UBE2E2: variants seen among roughly 807,000 people sequenced by gnomAD.
UBE2E2 encodes the protein ubiquitin-conjugating enzyme E2 E2.
A neutral mutation model predicts 24.7 loss-of-function variants in UBE2E2; 6 were observed. The ratio of observed to expected loss-of-function variants is 0.24; its 90% confidence interval spans 0.13 to 0.48. UBE2E2 has a LOEUF of 0.48. UBE2E2 is among the 20% of genes least tolerant of loss of function. UBE2E2 has a pLI of 0.99. For synonymous variants in UBE2E2, 104 were observed against 83.6 expected (o/e 1.24, Z -1.33); for missense variants, 169 against 245.0 (o/e 0.69, Z 2.07).
rs546822372 is a variant in UBE2E2 at position 23,584,638 on chromosome 3, C to T, written c.509-5096C>T. ...GCGCAATCATGGCTCACTGTAATCA[C>T]GACCCCCTGGGCTCCAGTGAACCTC... On this transcript the variant is annotated intron_variant, in intron 5 of 5. Transcript: ENST00000396703. Among the ~76,000 whole-genome samples, 7 of 151,534 alleles carry T rather than the reference C, an allele frequency of 4.6e-5. No individual in the cohort carries two copies. The South Asian group carries it at 1.0e-3, about 23-fold the overall frequency.
chr3:23,213,937 C>G (rs991183297), intron 2 of UBE2E2, among the ~76,000 whole-genome samples: 1 of 152,140 alleles, frequency 6.6e-6, no homozygotes, highest in Non-Finnish European at 1.5e-5. Context: ...AGGTACCTTT[C>G]TTATCCCACT....
intron 3 of UBE2E2, among the ~76,000 whole-genome samples, chr3:23,413,421 A>G (rs1697543664): frequency 6.6e-6 from 1 of 152,110 alleles, no homozygotes; most frequent in Non-Finnish European, 1.5e-5. Context: ...TTCAAGTTAC[A>G]ACCATCATCA....
intron 1 of UBE2E2, among the ~76,000 whole-genome samples, chr3:23,203,740 C>T (rs1380875761): frequency 6.9e-6 from 1 of 145,702 alleles, no homozygotes; most frequent in Non-Finnish European, 1.5e-5. Context: ...CCCTTCCGTT[C>T]TCAGTTCCCC....
At position 23,254,400 on chromosome 3, in the gene UBE2E2, A is replaced by C. The variant is rs796455105; in HGVS notation, c.227+37088A>C. The stretch of plus-strand genomic sequence containing the variant: ...TTGCCCAGTTTCTGGAAGTGTGCGT[A>C]GGTATTTGTGGGGCAGTAATAGGAG... On this transcript the variant is annotated intron_variant, in intron 3 of 5. Coordinates refer to ENST00000396703, the MANE Select transcript of UBE2E2 (RefSeq NM_152653.4). Among the ~76,000 whole-genome samples, 15 of 152,324 alleles carry C rather than the reference A, an allele frequency of 9.8e-5. 1 individual carries two copies. Among genetic ancestry groups the C allele is most frequent in the African/African-American group, 3.4e-4 (14 of 41,576 alleles).
intron 3 of UBE2E2, among the ~76,000 whole-genome samples, chr3:23,347,195 A>G (rs564029795): frequency 2.0e-5 from 3 of 152,350 alleles, no homozygotes; most frequent in East Asian, 1.9e-4. Flanking sequence ...CAGCCATCCC[A>G]TTACTGGGTG....
At chr3:23,366,797 G>A (rs1313805756) in intron 3 of UBE2E2, among the ~76,000 whole-genome samples, 1 of 152,006 alleles carries the variant, frequency 6.6e-6, no homozygotes, top group African/African-American at 2.4e-5. Context: ...AATACCCTGG[G>A]ATCAGACATT....
At chr3:23,449,032 T>C (rs1021341329) in intron 3 of UBE2E2, among the ~76,000 whole-genome samples, 9 of 152,200 alleles carry the variant, frequency 5.9e-5, no homozygotes, top group Non-Finnish European at 1.3e-4. Flanking sequence ...ATTGCCCTCT[T>C]ACCTAACAGC....
At chr3:23,404,504 A>G (rs1170071193) in intron 3 of UBE2E2, among the ~76,000 whole-genome samples, 1 of 152,140 alleles carries the variant, frequency 6.6e-6, no homozygotes, top group Admixed American at 6.6e-5. Context: ...GAGAGCTCTG[A>G]GTTCATTTTT....
chr3:23,454,205 T>C (rs1458277409), intron 3 of UBE2E2, among the ~76,000 whole-genome samples: 1 of 152,238 alleles, frequency 6.6e-6, no homozygotes, highest in Non-Finnish European at 1.5e-5. Flanking sequence ...TTTAATACTT[T>C]ATAAACTGAT....
chr3:23,309,037 T>A (rs1559342717), intron 3 of UBE2E2, among the ~76,000 whole-genome samples: 1 of 152,224 alleles, frequency 6.6e-6, no homozygotes. Flanking sequence ...ATATCCCCCT[T>A]CTGTCTGCTT....
chr3:23,560,653 C>T (rs1445798177), intron 5 of UBE2E2, among the ~76,000 whole-genome samples: 1 of 152,092 alleles, frequency 6.6e-6, no homozygotes, highest in Non-Finnish European at 1.5e-5. Context: ...CTGACTTCCA[C>T]AATGGTTGAA....
chr3:23,581,002 T>G (rs1406174515), intron 5 of UBE2E2, among the ~76,000 whole-genome samples: 2 of 152,250 alleles, frequency 1.3e-5, no homozygotes. Context: ...AAACACGTTT[T>G]GCATATGGCA....
chr3:23,383,334 C>T (rs922619784), intron 3 of UBE2E2, among the ~76,000 whole-genome samples: 2 of 151,996 alleles, frequency 1.3e-5, no homozygotes, highest in African/African-American at 4.8e-5. Flanking sequence ...ATTAGCAAAC[C>T]TTGAGGAAAA....
chr3:23,494,989 G>C (rs533007325), intron 3 of UBE2E2, among the ~76,000 whole-genome samples: 1 of 152,178 alleles, frequency 6.6e-6, no homozygotes, highest in South Asian at 2.1e-4. Flanking sequence ...TGGCCAGGCT[G>C]GTCTCAAACT....
At chr3:23,290,783 T>A (rs1321354656) in intron 3 of UBE2E2, among the ~76,000 whole-genome samples, 1 of 150,522 alleles carries the variant, frequency 6.6e-6, no homozygotes, top group Non-Finnish European at 1.5e-5. Context: ...CCAGGCGTGG[T>A]GGCTCTCACC....
At chr3:23,414,166 C>T (rs1697565569) in intron 3 of UBE2E2, among the ~76,000 whole-genome samples, 1 of 152,128 alleles carries the variant, frequency 6.6e-6, no homozygotes, top group Non-Finnish European at 1.5e-5. Flanking sequence ...TATAAAAGAA[C>T]CTTTTAAATC....
rs75794536 is a variant in UBE2E2, at chr3:23,506,911, G to A, written c.360+7171G>A. Among the ~76,000 whole-genome samples, 772 of 152,320 alleles carry A rather than the reference G, an allele frequency of 5.1e-3. 8 individuals carry two copies. The highest frequency in any genetic ancestry group is 0.017 in the African/African-American group (719 of 41,566). ...GCGTTTCAGAAGTGCTGGGATTACA[G>A]GCATGAGCCACCACACCCAGCCTAA... is the stretch of plus-strand genomic sequence containing the variant. On this transcript the variant is annotated intron_variant, in intron 4 of 5. Transcript: ENST00000396703.
At chr3:23,388,048 A>G (rs544858744) in intron 3 of UBE2E2, among the ~76,000 whole-genome samples, 2 of 152,294 alleles carry the variant, frequency 1.3e-5, no homozygotes, top group Admixed American at 6.5e-5. Context: ...AGCAAATGGA[A>G]TTGGGCCTTA....
rs1409063118 is a variant in UBE2E2 at position 23,589,588 on chromosome 3, G to A, written c.509-146G>A. 1 of 699,202 alleles carries A rather than the reference G, an allele frequency of 1.4e-6. No individual in the cohort carries two copies. The highest frequency in any genetic ancestry group is 2.5e-5 in the Admixed American group (1 of 39,308). The allele number at this position is 699,202 out of a possible 1,614,324, so 43.3% of individuals were successfully genotyped here. On this transcript the variant is annotated intron_variant, in intron 5 of 5. Transcript: ENST00000396703. The surrounding 1 kb of genome is among the most constrained non-coding windows in gnomAD (Gnocchi z 4.1). ...TGTGAAATGTAGTCTGTCAGCAGCA[G>A]GTGACTGGCTCAGCCGCAGCAATGG...
Sources: gnomAD v4.1 joint callset for allele counts (sites outside exome capture counted in the v4.1 genomes callset) on GRCh38, gnomAD v4.1.1 for gene constraint, Gnocchi (gnomAD v3.1) non-coding constraint, MANE v1.5 for transcripts, NCBI Gene and HGNC (gene_info 2026-07-23, HGNC 2026-07-21) for gene names.